The following ITFG2 variants were observed in gnomAD, a reference collection of about 807,000 sequenced individuals.
ITFG2 encodes the protein KICSTOR complex protein ITFG2.
A neutral mutation model predicts 54.4 loss-of-function variants in ITFG2; 36 were observed. The ratio of observed to expected loss-of-function variants is 0.66; its 90% CI spans 0.51 to 0.87. The LOEUF is 0.87. ITFG2 is among the 40% of genes least tolerant of loss of function. ITFG2 has a pLI of 0.00. For missense variants in ITFG2, 524 were observed against 576.7 expected (o/e 0.91, Z 0.94); for synonymous variants, 211 against 225.4 (o/e 0.94, Z 0.57).
intron 1 of ITFG2, among the ~76,000 whole-genome samples, chr12:2,814,145 G>A (rs1230081387): frequency 1.3e-5 from 2 of 152,094 alleles, no homozygotes; most frequent in Non-Finnish European, 2.9e-5. Flanking sequence ...AGGTCTCACT[G>A]TGTTAACCAG....
At chr12:2,849,746 C>T (rs929856217) in intron 2 of ITFG2, among the ~76,000 whole-genome samples, 3 of 152,212 alleles carry the variant, frequency 2.0e-5, no homozygotes, top group Non-Finnish European at 4.4e-5. Flanking sequence ...GAAATAATGT[C>T]GTGCAGCTAG....
rs1018351841 is a variant in ITFG2, at chr12:2,849,547, G to A, written n.301-8465G>A. 7 of 1,535,678 alleles carry A rather than the reference G, an allele frequency of 4.6e-6. No individual in the cohort carries two copies. In the African/African-American group the frequency reaches 9.6e-5, roughly 21 times the overall value. On this transcript the variant is annotated intron_variant and non_coding_transcript_variant, in intron 2 of 3. Transcript: ENST00000537710. ...GTACCTGTTGGGAGAAGGGTATGGA[G>A]AGAACAGAGAGATCAAAGAAGAGAT...
intron 5 of ITFG2, 80 bp downstream of exon 5, chr12:2,820,305 A>G: frequency 6.8e-7 from 1 of 1,464,764 alleles, no homozygotes; most frequent in South Asian, 1.4e-5. Flanking sequence ...GAGAGCAGTC[A>G]TGGGACAGGG....
upstream of ITFG2, among the ~76,000 whole-genome samples, chr12:2,832,266 G>A (rs542378188): frequency 1.3e-4 from 20 of 151,838 alleles, no homozygotes; most frequent in South Asian, 4.0e-3. Context: ...ACCCTACCCC[G>A]CATTGCTTTC....
At chr12:2,820,577 T>C in intron 5 of ITFG2, 147 bp from the exon 6 acceptor site, 1 of 738,630 alleles carries the variant, frequency 1.4e-6, no homozygotes. Flanking sequence ...TTCCTCCTGC[T>C]GCTACCCTTG....
intron 1 of ITFG2, among the ~76,000 whole-genome samples, chr12:2,838,846 C>G (rs1012866726): frequency 6.6e-6 from 1 of 152,154 alleles, no homozygotes; most frequent in African/African-American, 2.4e-5. Flanking sequence ...ATATAAAGCT[C>G]TGAGGCCTTT....
At chr12:2,848,574 G>T (rs1565446302) in intron 2 of ITFG2, among the ~76,000 whole-genome samples, 1 of 152,052 alleles carries the variant, frequency 6.6e-6, no homozygotes, top group Non-Finnish European at 1.5e-5. Context: ...TTGTTCCTCT[G>T]CTGAGACCTG....
intron 2 of ITFG2, among the ~76,000 whole-genome samples, chr12:2,844,209 G>T (rs983448105): frequency 6.6e-6 from 1 of 151,992 alleles, no homozygotes; most frequent in Admixed American, 6.6e-5. Context: ...AATGAGCTGA[G>T]ATCACACAGC....
At chr12:2,842,667 G>A (rs1401285491) in intron 2 of ITFG2, among the ~76,000 whole-genome samples, 1 of 152,094 alleles carries the variant, frequency 6.6e-6, no homozygotes, top group African/African-American at 2.4e-5. Flanking sequence ...AGGAGGTAGA[G>A]GCTACAGCGA....
At chr12:2,846,955 T>C (rs1486356608) in intron 2 of ITFG2, among the ~76,000 whole-genome samples, 1 of 152,162 alleles carries the variant, frequency 6.6e-6, no homozygotes, top group Non-Finnish European at 1.5e-5. Flanking sequence ...TTCAGTGGCT[T>C]TTCATATATT....
rs142638240 is a variant in ITFG2, at chr12:2,820,816, C to A, written c.639C>A (p.Thr213=). Residue 213 remains threonine, a synonymous_variant, in exon 6 of 12, where the codon ACC becomes ACA. Coordinates refer to ENST00000228799, the MANE Select transcript of ITFG2 (RefSeq NM_018463.4). ...GTGCGTATGCAATTCTACTGTGTAC[C>A]TGGAAAAAGGACACTGGGTCCCCTC... ...PGCAYAILLC[T]WKKDTGSPPA... The A allele has an allele frequency of 1.9e-6, 3 of 1,614,058 alleles. No homozygotes were observed. Among genetic ancestry groups the A allele is most frequent in the Middle Eastern group, 1.6e-4 (1 of 6,062 alleles).
chr12:2,855,039 AAACGTGGGAT>A, intron 2 of ITFG2: 1 of 1,536,002 alleles, frequency 6.5e-7, no homozygotes, highest in Admixed American at 2.0e-5. Context: ...TCATGTCCAC[AAACGTGGGAT>A]AACAGTGGAT....
intron 2 of ITFG2, among the ~76,000 whole-genome samples, chr12:2,852,849 A>G (rs971948611): frequency 1.3e-5 from 2 of 152,066 alleles, no homozygotes; most frequent in African/African-American, 4.8e-5. Context: ...AAGTACAAAA[A>G]TTAGCCAGGC....
At chr12:2,847,810 G>T (rs1321226770) in intron 2 of ITFG2, among the ~76,000 whole-genome samples, 3 of 152,154 alleles carry the variant, frequency 2.0e-5, no homozygotes, top group African/African-American at 7.2e-5. Flanking sequence ...CAATATGTGT[G>T]TGGCCTTTTG....
At chr12:2,841,094 T>C (rs1161444200) in intron 2 of ITFG2, 1 of 152,684 alleles carries the variant, frequency 6.5e-6, no homozygotes, top group African/African-American at 2.4e-5. Context: ...GTCAGGCCCG[T>C]CTCCTCCTAT....
chr12:2,817,287 G>T lies in ITFG2; in HGVS notation c.161G>T (p.Arg54Leu). The T allele has an allele frequency of 6.2e-7, 1 of 1,613,748 alleles. No homozygotes were observed. Among genetic ancestry groups the T allele is most frequent in the Non-Finnish European group, 8.5e-7 (1 of 1,179,842 alleles). ...KVSVYKNDDS[R>L]PWLTCSCQGM... The stretch of plus-strand genomic sequence containing the variant: ...TCTGTGTATAAAAATGATGACAGTC[G>T]GCCATGGCTCACCTGTTCCTGCCAG... Residue 54 changes from arginine to leucine, a missense_variant, in exon 2 of 12, where the codon CGG (arginine) becomes CTG (leucine). Arg to Leu is a moderately radical substitution (Grantham distance 102). Transcript: ENST00000228799.
At position 2,823,809 on chromosome 12, in the gene ITFG2, T is replaced by G; in HGVS notation, c.1106T>G (p.Leu369Arg). ...AAAGAGGGCCGCAACAGCCCCTGCC[T>G]CGTATATGTCACTTTCAACCAGAAG... ...ACKEGRNSPC[L>R]VYVTFNQKIY... Residue 369 changes from leucine (L) to arginine (R), a missense_variant, in exon 11 of 12, where the codon CTC (leucine) becomes CGC (arginine). Physicochemically the swap from Leu to Arg is moderately radical, Grantham distance 102. Coordinates refer to ENST00000228799, the MANE Select transcript of ITFG2 (RefSeq NM_018463.4). 3.1e-6 allele frequency: 5 copies of G among 1,599,112 alleles called. No homozygotes were observed. Among genetic ancestry groups the G allele is most frequent in the Non-Finnish European group, 4.3e-6 (5 of 1,171,344 alleles).
chr12:2,855,472 G>C (rs576751849), intron 2 of ITFG2: 1 of 1,402,284 alleles, frequency 7.1e-7, no homozygotes, highest in African/African-American at 1.4e-5. Flanking sequence ...AGGGAGCCTG[G>C]GGAAGGTTGT....
intron 2 of ITFG2, among the ~76,000 whole-genome samples, chr12:2,853,283 T>TG (rs1347911290): frequency 6.9e-6 from 1 of 145,594 alleles, no homozygotes; most frequent in Non-Finnish European, 1.5e-5. Context: ...TGGTTTTTTG[T>TG]TTTTTTTTTT....
Sources: allele counts gnomAD v4.1 joint callset (sites outside exome capture counted in the v4.1 genomes callset), GRCh38; gene constraint gnomAD v4.1.1; transcripts MANE v1.5; gene names NCBI Gene and HGNC (gene_info 2026-07-23, HGNC 2026-07-21).